Variants in UBXN2A observed in about 807,000 individuals in gnomAD.
UBXN2A encodes the protein UBX domain protein 2A, also known as UBX domain-containing protein 2A.
Under a neutral mutation model 28.4 loss-of-function variants are expected in UBXN2A, and 28 were observed. The observed-to-expected ratio is 0.99, with a 90% confidence interval of 0.73 to 1.35. UBXN2A has a LOEUF of 1.35. Among genes scored for constraint, UBXN2A ranks in the 40% most tolerant of loss-of-function variants. The pLI is 0.00. For missense variants in UBXN2A, 253 were observed against 297.9 expected (o/e 0.85, Z 1.11); for synonymous variants, 97 against 103.6 (o/e 0.94, Z 0.39).
chr2:23,935,011 G>A (rs575355583), intron 1 of UBXN2A, among the ~76,000 whole-genome samples: 1 of 152,198 alleles, frequency 6.6e-6, no homozygotes, highest in South Asian at 2.1e-4. Flanking sequence ...GGAGGCAGAG[G>A]TTGCAGTGAG....
chr2:23,932,937 T>G (rs1183713846), intron 1 of UBXN2A, among the ~76,000 whole-genome samples: 1 of 152,040 alleles, frequency 6.6e-6, no homozygotes, highest in African/African-American at 2.4e-5. Flanking sequence ...ACCCCGTCTC[T>G]ACTAAAAATA....
At chr2:23,996,154 T>C (rs1398940737) in intron 6 of UBXN2A, among the ~76,000 whole-genome samples, 3 of 149,412 alleles carry the variant, frequency 2.0e-5, no homozygotes, top group Non-Finnish European at 4.5e-5. Context: ...GCAACCTCTG[T>C]TTCCTGGGTT....
intron 2 of UBXN2A, among the ~76,000 whole-genome samples, chr2:23,962,523 T>G (rs1706972220): frequency 6.6e-6 from 1 of 152,020 alleles, no homozygotes. Context: ...ACTGTATTAG[T>G]CCATTTTCAT....
rs562123876 is a variant in UBXN2A at position 23,948,545 on chromosome 2, A to G, written c.-15+7897A>G. 2.6e-5 allele frequency among the ~76,000 whole-genome samples: 4 copies of G among 152,138 alleles called. No individual in the cohort carries two copies. In the East Asian group the frequency reaches 7.7e-4, roughly 29 times the overall value. ...TGGGATTACAGGCGTGAGCTTGAAG[A>G]TGTTTCTTACCAATCTCTATAACAG... On this transcript the variant is annotated intron_variant, in intron 1 of 6. Coordinates refer to ENST00000309033, the MANE Select transcript of UBXN2A (RefSeq NM_181713.4).
chr2:23,938,861 G>A (rs1705617815), upstream of UBXN2A, among the ~76,000 whole-genome samples: 1 of 152,128 alleles, frequency 6.6e-6, no homozygotes, highest in Admixed American at 6.5e-5. Context: ...ATGGTGCTGG[G>A]ACCAAAAAAT....
At chr2:23,998,847 C>T (rs1357526692) in intron 6 of UBXN2A, among the ~76,000 whole-genome samples, 1 of 152,196 alleles carries the variant, frequency 6.6e-6, no homozygotes. Context: ...TCTCCCTCCT[C>T]AGCCTCCCGA....
At chr2:23,998,898 C>T (rs1422567446) in intron 6 of UBXN2A, among the ~76,000 whole-genome samples, 1 of 152,134 alleles carries the variant, frequency 6.6e-6, no homozygotes, top group Non-Finnish European at 1.5e-5. Context: ...CCAATCCTTC[C>T]ACCTCCAGCA....
chr2:23,939,456 GGT>G (rs1195851826), upstream of UBXN2A: 1 of 152,444 alleles, frequency 6.6e-6, no homozygotes, highest in East Asian at 1.9e-4. Flanking sequence ...GAAAGACCCG[GGT>G]GTGGGGAAGT....
intron 6 of UBXN2A, among the ~76,000 whole-genome samples, chr2:23,995,035 C>T (rs1486688405): frequency 6.6e-6 from 1 of 152,192 alleles, no homozygotes; most frequent in Non-Finnish European, 1.5e-5. Context: ...TAGAATCTCT[C>T]CTCAGTCGCT....
chr2:23,956,868 G>A (rs1334182480), intron 1 of UBXN2A, among the ~76,000 whole-genome samples: 1 of 152,126 alleles, frequency 6.6e-6, no homozygotes, highest in South Asian at 2.1e-4. Flanking sequence ...GCAGACCAGT[G>A]GTTTGGACTA....
intron 2 of UBXN2A, among the ~76,000 whole-genome samples, chr2:23,962,240 A>C (rs185120244): frequency 4.3e-4 from 66 of 152,354 alleles, no homozygotes; most frequent in African/African-American, 1.5e-3. Flanking sequence ...CCACAGATGC[A>C]AATCTTTCAC....
chr2:23,993,876 G>A (rs540127401), intron 6 of UBXN2A, among the ~76,000 whole-genome samples: 13 of 151,850 alleles, frequency 8.6e-5, no homozygotes, highest in African/African-American at 1.2e-4. Flanking sequence ...TTTTGGTAGA[G>A]ACAGGGTTTC....
chr2:23,953,525 C>CA (rs1392573647), intron 1 of UBXN2A, among the ~76,000 whole-genome samples: 2 of 152,156 alleles, frequency 1.3e-5, no homozygotes, highest in African/African-American at 4.8e-5. Flanking sequence ...ATCATCGCTC[C>CA]AAAATAACAT....
At chr2:23,942,919 G>A (rs1482454791) in intron 1 of UBXN2A, among the ~76,000 whole-genome samples, 7 of 149,638 alleles carry the variant, frequency 4.7e-5, no homozygotes, top group African/African-American at 1.2e-4. Context: ...GTTTACCTCC[G>A]TCAGAAAAAA....
chr2:23,977,515 G>A (rs946589213), intron 4 of UBXN2A, among the ~76,000 whole-genome samples: 3 of 151,974 alleles, frequency 2.0e-5, no homozygotes, highest in Non-Finnish European at 4.4e-5. Context: ...GGTGGCACAT[G>A]CCTGTAATCC....
intron 4 of UBXN2A, among the ~76,000 whole-genome samples, chr2:23,981,505 A>AAAAAAAAG (rs1707902743): frequency 6.8e-6 from 1 of 146,976 alleles, no homozygotes; most frequent in Non-Finnish European, 1.5e-5. Context: ...AAAAAAAAAA[A>AAAAAAAAG]AATAGAAAAG....
At chr2:23,983,462 G>A (rs569379583) in intron 5 of UBXN2A, among the ~76,000 whole-genome samples, 42 of 152,158 alleles carry the variant, frequency 2.8e-4, no homozygotes, top group Admixed American at 1.0e-3. Context: ...AGCCGAGATC[G>A]CGCCATTGCT....
intron 1 of UBXN2A, among the ~76,000 whole-genome samples, chr2:23,942,641 A>C (rs12616985): frequency 0.12 from 18,278 of 151,714 alleles, 1,194 homozygotes; most frequent in Middle Eastern, 0.21. Context: ...CTGGTCTCAA[A>C]ATCCTGACCT....
Position 23,984,748 on chromosome 2 carries a change from GAAC to G in UBXN2A, c.505_507del (p.Asn169del). The G allele has an allele frequency of 6.4e-7, 1 of 1,565,016 alleles. No homozygotes were observed. Among genetic ancestry groups the G allele is most frequent in the Non-Finnish European group, 8.6e-7 (1 of 1,164,790 alleles). On this transcript the variant is annotated inframe_deletion, in exon 6 of 7. Coordinates refer to ENST00000309033, the MANE Select transcript of UBXN2A (RefSeq NM_181713.4). ...AAAATAATTTGTCTGCTGTTCCACT[GAAC>G]AACTTGGAACCCATTACTAATATAC...
Sources: gnomAD v4.1 joint callset for allele counts (sites outside exome capture counted in the v4.1 genomes callset) on GRCh38, gnomAD v4.1.1 for gene constraint, MANE v1.5 for transcripts, NCBI Gene and HGNC (gene_info 2026-07-23, HGNC 2026-07-21) for gene names.